C1D: variants seen among roughly 807,000 people sequenced by gnomAD.
C1D encodes nuclear nucleic acid-binding protein C1D.
Under a neutral mutation model 17.5 loss-of-function variants are expected in C1D, and 10 were observed. The observed-to-expected ratio is 0.57, with a 90% confidence interval of 0.35 to 0.97. The LOEUF is 0.97. Ranked by LOEUF, C1D falls within the 50% of genes least tolerant of loss-of-function variation. C1D has a pLI of 0.01. For missense variants in C1D, 136 were observed against 160.1 expected, an observed-to-expected ratio of 0.85 and a Z score of 0.81; for synonymous variants, 49 against 54.0, an observed-to-expected ratio of 0.91 and a Z score of 0.40.
intron 1 of C1D, among the ~76,000 whole-genome samples, chr2:68,051,517 CTATT>C (rs1405053506): frequency 6.6e-6 from 1 of 152,096 alleles, no homozygotes; most frequent in African/African-American, 2.4e-5. Context: ...AAAATAATAA[CTATT>C]TATCTTTTAA....
At position 68,042,642 on chromosome 2, in the gene C1D, A is replaced by AT; in HGVS notation, c.*246dup. On this transcript the variant is annotated 3_prime_UTR_variant, in exon 5 of 5. Transcript: ENST00000410067. ...TTGCAAGACTGACCTATATAAAGAA[A>AT]TAAGAGTCTCATCAAGAGATGGTAA... 3.9e-6 allele frequency: 1 copy of AT among 253,740 alleles called. No individual in the cohort carries two copies. Among genetic ancestry groups the AT allele is most frequent in the African/African-American group, 2.3e-5 (1 of 44,042 alleles). 15.7% of individuals were successfully genotyped at this position (253,740 alleles called of 1,614,324 possible).
chr2:68,052,894 A>G (rs1024710402), intron 1 of C1D, among the ~76,000 whole-genome samples: 1 of 152,196 alleles, frequency 6.6e-6, no homozygotes, highest in Non-Finnish European at 1.5e-5. Flanking sequence ...CTACGATATC[A>G]GCAGCAAACT....
intron 1 of C1D, among the ~76,000 whole-genome samples, chr2:68,049,426 T>C (rs562639645): frequency 6.6e-6 from 1 of 152,306 alleles, no homozygotes; most frequent in East Asian, 1.9e-4. Context: ...TTGGTTATTT[T>C]CTCACTTTAT....
At chr2:68,056,262 C>A (rs1036944855) in intron 1 of C1D, among the ~76,000 whole-genome samples, 3 of 152,016 alleles carry the variant, frequency 2.0e-5, no homozygotes, top group African/African-American at 7.2e-5. Context: ...GCCACCATGC[C>A]CAGCTAATTT....
At chr2:68,056,488 C>T (rs1177478479) in intron 1 of C1D, among the ~76,000 whole-genome samples, 1 of 151,962 alleles carries the variant, frequency 6.6e-6, no homozygotes, top group Admixed American at 6.6e-5. Context: ...AATAAACAAA[C>T]ACCCAAGACT....
chr2:68,047,556 C>T (rs758813328), intron 1 of C1D, among the ~76,000 whole-genome samples: 1 of 152,162 alleles, frequency 6.6e-6, no homozygotes, highest in Non-Finnish European at 1.5e-5. Flanking sequence ...GCTATGCACA[C>T]CAAACCCTCA....
chr2:68,041,844 A>G lies in C1D; in HGVS notation c.*1045T>C, dbSNP rs781293439. The G allele has an allele frequency of 6.6e-6, 1 of 152,072 alleles. No homozygotes were observed. Among genetic ancestry groups the G allele is most frequent in the Non-Finnish European group, 1.5e-5 (1 of 67,908 alleles). 9.4% of individuals were successfully genotyped at this position (152,072 alleles called of 1,614,324 possible). ...CAAACACTGAAAGCATTAAGGGCAT[A>G]TAATTAAAATTCATGGGCTTAGACA... On this transcript the variant is annotated 3_prime_UTR_variant, in exon 5 of 5. Coordinates refer to ENST00000410067, the MANE Select transcript of C1D (RefSeq NM_173177.3).
chr2:68,044,707 CAAAAAAAG>C lies in C1D; in HGVS notation c.261+1273_261+1280del, dbSNP rs1671068738. On this transcript the variant is annotated intron_variant, in intron 4 of 4. Coordinates refer to ENST00000410067, the MANE Select transcript of C1D (RefSeq NM_173177.3). ...TGGGCGACAGAGCAAGACTCCATCT[CAAAAAAAG>C]AAAAAAAAAGAAAAAGAAAAGGGGA... 2.0e-5 allele frequency among the ~76,000 whole-genome samples: 3 copies of C among 148,102 alleles called. No homozygotes were observed. The South Asian group carries it at 6.4e-4, about 32-fold the overall frequency.
chr2:68,043,775 C>T (rs1305362295), intron 4 of C1D, among the ~76,000 whole-genome samples: 1 of 152,176 alleles, frequency 6.6e-6, no homozygotes, highest in Non-Finnish European at 1.5e-5. Context: ...CTGATCACTG[C>T]TTAAAAACAA....
chr2:68,043,162 A>G, intron 4 of C1D, 109 bp from the exon 5 acceptor site: 1 of 784,320 alleles, frequency 1.3e-6, no homozygotes, highest in Admixed American at 3.1e-5. Context: ...TTTATTGCCT[A>G]TTAAAGTGCA....
At chr2:68,052,982 A>G in intron 1 of C1D, 1 of 1,516,976 alleles carries the variant, frequency 6.6e-7, no homozygotes, top group Non-Finnish European at 8.8e-7. Context: ...CTCACAGATG[A>G]ATAAACTGAG....
Position 68,043,062 on chromosome 2 carries a change from TAA to T in C1D, c.262-11_262-10del. The T allele has an allele frequency of 6.4e-7, 1 of 1,574,222 alleles. No homozygotes were observed. The highest frequency in any genetic ancestry group is 8.6e-7 in the Non-Finnish European group (1 of 1,161,102). The stretch of plus-strand genomic sequence containing the variant: ...TATACTCTGATTCTTTCCTTAAAGA[TAA>T]AAAACAAAGGCAATAGATTTACTAA... On this transcript the variant is annotated splice_polypyrimidine_tract_variant and intron_variant, in intron 4 of 4. Transcript: ENST00000410067.
intron 1 of C1D, among the ~76,000 whole-genome samples, chr2:68,060,270 G>A (rs992678362): frequency 2.6e-5 from 4 of 152,174 alleles, no homozygotes; most frequent in African/African-American, 9.7e-5. Flanking sequence ...ACACCTCCGT[G>A]ATTAGTCTCC....
In C1D at chr2:68,042,229, G is replaced by C. The variant is rs999652027; in HGVS notation, c.*660C>G. 3.3e-5 allele frequency: 5 copies of C among 152,476 alleles called. No homozygotes were observed. Among genetic ancestry groups the C allele is most frequent in the Admixed American group, 6.5e-5 (1 of 15,268 alleles). The allele number at this position is 152,476 out of a possible 1,614,324, so 9.4% of individuals were successfully genotyped here. ...TTATACAACATTTTCAGCCTTTATT[G>C]AGAGTACAGTCATCATGCCAAAATT... On this transcript the variant is annotated 3_prime_UTR_variant, in exon 5 of 5. Coordinates refer to ENST00000410067, the MANE Select transcript of C1D (RefSeq NM_173177.3).
chr2:68,046,483 T>A, intron 2 of C1D, 73 bp from the exon 3 acceptor site: 1 of 1,030,308 alleles, frequency 9.7e-7, no homozygotes, highest in Non-Finnish European at 1.5e-6. Context: ...TTGAACACCA[T>A]CTGATAACAT....
intron 1 of C1D, among the ~76,000 whole-genome samples, chr2:68,056,250 G>A (rs1361639247): frequency 3.3e-5 from 5 of 151,970 alleles, no homozygotes; most frequent in Non-Finnish European, 7.4e-5. Context: ...TTACAGGTGC[G>A]TGCCACCATG....
At chr2:68,056,831 T>C (rs1572887782) in intron 1 of C1D, among the ~76,000 whole-genome samples, 3 of 152,224 alleles carry the variant, frequency 2.0e-5, no homozygotes. Context: ...TAAATTAGTT[T>C]AGCATTTTTG....
rs566460196 is a variant in C1D, at chr2:68,054,540, A to G, written c.-9-7221T>C. 2.0e-4 allele frequency among the ~76,000 whole-genome samples: 31 copies of G among 152,226 alleles called. 1 individual carries two copies. The highest frequency in any genetic ancestry group is 1.6e-3 in the Admixed American group (24 of 15,278). ...TGAATCAGGCCCACCCAGATGATCTAGAATAATCTCCCTTACTTAATTGAT... is the reference window on the plus strand; with the variant it reads ...TGAATCAGGCCCACCCAGATGATCTGGAATAATCTCCCTTACTTAATTGAT... On this transcript the variant is annotated intron_variant, in intron 1 of 4. Coordinates refer to ENST00000410067, the MANE Select transcript of C1D (RefSeq NM_173177.3).
chr2:68,052,828 G>A (rs528529443), intron 1 of C1D, among the ~76,000 whole-genome samples: 5 of 152,160 alleles, frequency 3.3e-5, no homozygotes, highest in South Asian at 2.1e-4. Context: ...CAGAAAAAGC[G>A]CAGAAATTTC....
Sources: allele counts gnomAD v4.1 joint callset (sites outside exome capture counted in the v4.1 genomes callset), GRCh38; gene constraint gnomAD v4.1.1; transcripts MANE v1.5; gene names NCBI Gene and HGNC (gene_info 2026-07-23, HGNC 2026-07-21).